Variants in GLI2 observed in about 807,000 individuals in gnomAD.
GLI2 encodes the protein transcription activator GLI2.
GLI2 carries 22 observed loss-of-function variants against 78.9 expected under a neutral mutation model. The ratio of observed to expected loss-of-function variants is 0.28; its 90% CI spans 0.20 to 0.40. The LOEUF is 0.40. Among genes scored for constraint, GLI2 ranks in the 10% least tolerant of loss-of-function variants. GLI2 has a pLI of 1.00. For synonymous variants in GLI2, 974 were observed against 963.7 expected (o/e 1.01, Z -0.20); for missense variants, 2,097 against 2,213.2 (o/e 0.95, Z 1.05).
intron 3 of GLI2, among the ~76,000 whole-genome samples, chr2:120,931,513 A>G (rs1019171639): frequency 4.6e-5 from 7 of 152,192 alleles, no homozygotes; most frequent in African/African-American, 1.4e-4. Flanking sequence ...TAGGGTGTGG[A>G]TGTTCTTGGG....
chr2:120,930,936 A>G lies in GLI2; in HGVS notation c.254+3470A>G, dbSNP rs566606619. Among the ~76,000 whole-genome samples the G allele has an allele frequency of 2.2e-4, 34 of 152,298 alleles. No individual in the cohort carries two copies. In the South Asian group the frequency reaches 2.3e-3, roughly 10 times the overall value. The stretch of plus-strand genomic sequence containing the variant: ...AGTGAGGGTGGGGTGTGCGCAGAGC[A>G]CTTGGAGAAGGGGGCCGTGGATGCT... On this transcript the variant is annotated intron_variant, in intron 3 of 13. Coordinates refer to ENST00000361492, the MANE Select transcript of GLI2 (RefSeq NM_001374353.1).
intron 2 of GLI2, among the ~76,000 whole-genome samples, chr2:120,849,443 GATGATGATGATGATGATC>G (rs1463078102): frequency 6.6e-6 from 1 of 151,686 alleles, no homozygotes; most frequent in African/African-American, 2.4e-5. Context: ...TGCCAATAGT[GATGATGATGATGATGATC>G]ATGATGATGA....
intron 1 of GLI2, among the ~76,000 whole-genome samples, chr2:120,739,138 C>T (rs1349167243): frequency 6.6e-6 from 1 of 152,188 alleles, no homozygotes; most frequent in East Asian, 1.9e-4. Flanking sequence ...TACACAAATA[C>T]TTCACGCTTT....
chr2:120,988,084 C>A, intron 13 of GLI2, 124 bp from the exon 14 acceptor site: 1 of 764,568 alleles, frequency 1.3e-6, no homozygotes, highest in Non-Finnish European at 2.0e-6. Context: ...AAGCATGCAT[C>A]TCCTGAGTGC....
chr2:120,832,742 C>CTG (rs771339034), intron 2 of GLI2, among the ~76,000 whole-genome samples: 1 of 152,142 alleles, frequency 6.6e-6, no homozygotes, highest in Non-Finnish European at 1.5e-5. Context: ...TCCCTGCAGG[C>CTG]TGTGTGATGG....
At chr2:120,893,417 T>C (rs278305) in intron 2 of GLI2, among the ~76,000 whole-genome samples, 151,788 of 152,250 alleles carry the variant, frequency 1, 75,664 homozygotes, top group Middle Eastern at 1. Flanking sequence ...CCGCTGGCCC[T>C]GCTGCTGAGC....
intron 2 of GLI2, among the ~76,000 whole-genome samples, chr2:120,834,394 T>A (rs1686508947): frequency 6.6e-6 from 1 of 152,174 alleles, no homozygotes; most frequent in African/African-American, 2.4e-5. Context: ...ATAGGGGCCA[T>A]CGCTCTTTGT....
At chr2:120,880,233 C>T (rs560791418) in intron 2 of GLI2, among the ~76,000 whole-genome samples, 7 of 152,126 alleles carry the variant, frequency 4.6e-5, no homozygotes, top group Non-Finnish European at 7.4e-5. Flanking sequence ...AGCTTAGAGC[C>T]CGTCGTCCAG....
chr2:120,924,166 T>C (rs750044001), intron 2 of GLI2, among the ~76,000 whole-genome samples: 1 of 152,200 alleles, frequency 6.6e-6, no homozygotes, highest in Non-Finnish European at 1.5e-5. Context: ...GACCAAGGAA[T>C]CCTGGACTGA....
At chr2:120,772,558 G>A (rs1314789545) in intron 1 of GLI2, among the ~76,000 whole-genome samples, 1 of 152,256 alleles carries the variant, frequency 6.6e-6, no homozygotes, top group Non-Finnish European at 1.5e-5. Context: ...GTGATAGGAA[G>A]GAGGCCTGCT....
intron 2 of GLI2, among the ~76,000 whole-genome samples, chr2:120,877,845 C>T (rs1002646329): frequency 1.6e-4 from 25 of 151,962 alleles, no homozygotes; most frequent in African/African-American, 5.8e-4. Flanking sequence ...TGTACGGTCT[C>T]GATGAATGTC....
At chr2:120,875,288 A>C (rs1268776687) in intron 2 of GLI2, among the ~76,000 whole-genome samples, 1 of 152,212 alleles carries the variant, frequency 6.6e-6, no homozygotes, top group Non-Finnish European at 1.5e-5. Flanking sequence ...AGTGTGGACA[A>C]AGGAGCCTGG....
At chr2:120,913,747 C>T (rs2104822212) in intron 2 of GLI2, among the ~76,000 whole-genome samples, 1 of 152,332 alleles carries the variant, frequency 6.6e-6, no homozygotes, top group South Asian at 2.1e-4. Flanking sequence ...TGCTCGTTTG[C>T]TTGTCCAGGT....
intron 2 of GLI2, among the ~76,000 whole-genome samples, chr2:120,854,043 C>T (rs866968255): frequency 6.6e-6 from 1 of 151,804 alleles, no homozygotes; most frequent in Non-Finnish European, 1.5e-5. Context: ...TATTGTGTAT[C>T]GGGGCTATAG....
Position 120,736,089 on chromosome 2 carries a change from G to A in GLI2, c.-227G>A, listed in dbSNP as rs937323225. ...TCGGGGAGCCGCCTGCTCGCCGGCG[G>A]TAGGGGCTGCGCGGCGCCCGCCCGC... On this transcript the variant is annotated 5_prime_UTR_variant, in exon 1 of 14. Transcript: ENST00000361492. Among the ~76,000 whole-genome samples the A allele has an allele frequency of 6.7e-6, 1 of 150,108 alleles. No homozygotes were observed. Among genetic ancestry groups the A allele is most frequent in the East Asian group, 2.0e-4 (1 of 4,882 alleles).
chr2:120,863,977 G>T (rs964372398), intron 2 of GLI2, among the ~76,000 whole-genome samples: 4 of 152,226 alleles, frequency 2.6e-5, no homozygotes, highest in African/African-American at 9.6e-5. Context: ...CAGTTTGGCA[G>T]CAAAATGACT....
At chr2:120,897,940 G>A (rs1678059129) in intron 2 of GLI2, among the ~76,000 whole-genome samples, 2 of 152,030 alleles carry the variant, frequency 1.3e-5, no homozygotes. Context: ...TACTCATTAG[G>A]CATCAATGTC....
chr2:120,945,289 C>G (rs1680654099), intron 3 of GLI2, among the ~76,000 whole-genome samples: 1 of 152,262 alleles, frequency 6.6e-6, no homozygotes, highest in Non-Finnish European at 1.5e-5. Context: ...ACAGCACACA[C>G]ACACACAAAC....
intron 2 of GLI2, among the ~76,000 whole-genome samples, chr2:120,841,458 T>C (rs1686865558): frequency 6.6e-6 from 1 of 152,190 alleles, no homozygotes; most frequent in South Asian, 2.1e-4. Flanking sequence ...ACTTGACCAT[T>C]TTGTGAACAC....
Sources: allele counts gnomAD v4.1 joint callset (sites outside exome capture counted in the v4.1 genomes callset), GRCh38; gene constraint gnomAD v4.1.1; transcripts MANE v1.5; gene names NCBI Gene and HGNC (gene_info 2026-07-23, HGNC 2026-07-21).